The following PCDHGA4 variants were observed in gnomAD, a reference collection of about 807,000 sequenced individuals.
The protein encoded by PCDHGA4 is protocadherin gamma subfamily A, 4, also known as protocadherin gamma-A4.
In PCDHGA4, 38 loss-of-function variants were observed where a neutral mutation model predicts 54.6. The observed-to-expected ratio is 0.70, with a 90% CI of 0.54 to 0.91. The LOEUF is 0.91. Among genes scored for constraint, PCDHGA4 ranks in the 40% least tolerant of loss-of-function variants. The probability of loss-of-function intolerance (pLI) is 0.00; values close to 1 mark genes in which losing one functional copy is unlikely to be tolerated. For missense variants in PCDHGA4, 1,298 were observed against 1,220.9 expected, an observed-to-expected ratio of 1.06 and a Z score of -0.94; for synonymous variants, 511 against 512.9, an observed-to-expected ratio of 1.00 and a Z score of 0.05.
intron 1 of PCDHGA4, among the ~76,000 whole-genome samples, chr5:141,443,156 A>G (rs1059029): frequency 0.29 from 44,047 of 151,812 alleles, 7,376 homozygotes; most frequent in African/African-American, 0.47. Flanking sequence ...ACTGCATTTT[A>G]TTTCCCTACC....
chr5:141,422,028 A>C, intron 1 of PCDHGA4: 1 of 1,611,196 alleles, frequency 6.2e-7, no homozygotes, highest in Non-Finnish European at 8.5e-7. Flanking sequence ...TGGTTAATGC[A>C]ACGGATCCAG....
chr5:141,385,283 T>C, intron 1 of PCDHGA4: 1 of 1,613,444 alleles, frequency 6.2e-7, no homozygotes, highest in Non-Finnish European at 8.5e-7. Flanking sequence ...CTAACATCCG[T>C]AGATTTTCAG....
At position 141,375,547 on chromosome 5, in the gene PCDHGA4, C is replaced by T. The variant is rs1261585486; in HGVS notation, c.2514+17926C>T. ...ACGTGGACCAGAACGCCCAAGTCTC[C>T]TACTCACTGGCAGAAGACACCCTCC... is the stretch of plus-strand genomic sequence containing the variant. On this transcript the variant is annotated intron_variant, in intron 1 of 3. Coordinates refer to ENST00000571252, the MANE Select transcript of PCDHGA4 (RefSeq NM_018917.4). 6 of 1,613,922 alleles carry T rather than the reference C, an allele frequency of 3.7e-6. No individual in the cohort carries two copies. In the African/African-American group the frequency reaches 8.0e-5, roughly 22 times the overall value.
rs556217163 is a variant in PCDHGA4, at chr5:141,433,697, C to T, written c.2515-61110C>T. Among the ~76,000 whole-genome samples the T allele has an allele frequency of 6.0e-4, 91 of 152,138 alleles. 1 individual carries two copies. Among genetic ancestry groups the T allele is most frequent in the African/African-American group, 2.0e-3 (85 of 41,536 alleles). ...CTAAAAAAATACAAAATTAGCCGGGCGTGGTGGTGCATGTCTGTAATCCCA... is the reference window on the plus strand; with the variant it reads ...CTAAAAAAATACAAAATTAGCCGGGTGTGGTGGTGCATGTCTGTAATCCCA... On this transcript the variant is annotated intron_variant, in intron 1 of 3. Coordinates refer to ENST00000571252, the MANE Select transcript of PCDHGA4 (RefSeq NM_018917.4).
chr5:141,490,344 AGTGGGGTTGTTTAAT>A lies in PCDHGA4; in HGVS notation c.2515-4459_2515-4445del. The A allele has an allele frequency of 6.2e-7, 1 of 1,614,178 alleles. No individual in the cohort carries two copies. The highest frequency in any genetic ancestry group is 8.5e-7 in the Non-Finnish European group (1 of 1,180,030). ...TAGAGAGCACACCAGTGGGCACAGT[AGTGGGGTTGTTTAAT>A]GTGCGAGACCGGGACTCAGGTAGAA... On this transcript the variant is annotated intron_variant, in intron 1 of 3. Coordinates refer to ENST00000571252, the MANE Select transcript of PCDHGA4 (RefSeq NM_018917.4). This position sits in a 1 kb window ranked among gnomAD's most constrained non-coding sequence, Gnocchi z 5.4.
At chr5:141,478,506 ATAGGCAGGTGTTGGG>A in intron 1 of PCDHGA4, 1 of 1,612,314 alleles carries the variant, frequency 6.2e-7, no homozygotes, top group Non-Finnish European at 8.5e-7. Context: ...CCGGTGTTCT[ATAGGCAGGTGTTGGG>A]TGCAGAGAGC....
intron 1 of PCDHGA4, chr5:141,429,251 A>C (rs2097199889): frequency 6.6e-6 from 1 of 151,884 alleles, no homozygotes; most frequent in Non-Finnish European, 1.5e-5. Context: ...GAGATATTTT[A>C]ATTGAGGAAT....
At chr5:141,457,063 G>A (rs1477613746) in intron 1 of PCDHGA4, among the ~76,000 whole-genome samples, 1 of 152,104 alleles carries the variant, frequency 6.6e-6, no homozygotes, top group East Asian at 1.9e-4. Context: ...CTTCCTTTTT[G>A]CCAGTAACTA....
chr5:141,370,886 C>A (rs1208326985), intron 1 of PCDHGA4: 1 of 1,614,034 alleles, frequency 6.2e-7, no homozygotes, highest in South Asian at 1.1e-5. Flanking sequence ...ATGTAGGTGT[C>A]AATTCGCTGC....
At chr5:141,360,632 C>T (rs1367186780) in intron 1 of PCDHGA4, 1 of 1,613,902 alleles carries the variant, frequency 6.2e-7, no homozygotes, top group Admixed American at 1.7e-5. Context: ...GGTCCTAACT[C>T]ACTACAAAGA....
chr5:141,399,958 G>A (rs2093927763), intron 1 of PCDHGA4: 5 of 1,612,004 alleles, frequency 3.1e-6, no homozygotes, highest in Non-Finnish European at 4.2e-6. Context: ...TAGCGAGCCC[G>A]GGCTCTTCAG....
rs748394772 is a variant in PCDHGA4 at position 141,362,014 on chromosome 5, C to T, written c.2514+4393C>T. 3.1e-6 allele frequency: 5 copies of T among 1,605,936 alleles called. No individual in the cohort carries two copies. The East Asian group carries it at 6.7e-5, about 22-fold the overall frequency. Reference sequence around the variant, plus strand: ...CCTGGGGTTGCGCACGGGTGAGGTGCGCACAGCGCGTGCCTTGGGCGACAG... The same window carrying T: ...CCTGGGGTTGCGCACGGGTGAGGTGTGCACAGCGCGTGCCTTGGGCGACAG... On this transcript the variant is annotated intron_variant, in intron 1 of 3. Coordinates refer to ENST00000571252, the MANE Select transcript of PCDHGA4 (RefSeq NM_018917.4).
intron 1 of PCDHGA4, chr5:141,395,139 G>C: frequency 6.2e-7 from 1 of 1,614,144 alleles, no homozygotes. Flanking sequence ...GCCCAACTAC[G>C]CAGACATGCT....
intron 1 of PCDHGA4, chr5:141,484,875 T>G: frequency 3.2e-6 from 1 of 317,108 alleles, no homozygotes; most frequent in Non-Finnish European, 5.8e-6. Context: ...GCGTGGAGGA[T>G]AGGGTGGGCT....
At chr5:141,468,837 G>T in intron 1 of PCDHGA4, among the ~76,000 whole-genome samples, 1 of 152,108 alleles carries the variant, frequency 6.6e-6, no homozygotes, top group South Asian at 2.1e-4. Flanking sequence ...CTGCACTCCA[G>T]CCTGGGCAAC....
intron 1 of PCDHGA4, among the ~76,000 whole-genome samples, chr5:141,488,225 T>G (rs2099673126): frequency 6.6e-6 from 1 of 152,136 alleles, no homozygotes. Flanking sequence ...CTACTGGGGA[T>G]TTGAACTAGA....
At chr5:141,371,048 C>A in intron 1 of PCDHGA4, 2 of 1,613,890 alleles carry the variant, frequency 1.2e-6, no homozygotes, top group Non-Finnish European at 1.7e-6. Flanking sequence ...TGGATGGGGG[C>A]GAGCCCTCCA....
At chr5:141,375,787 C>T (rs759753735) in intron 1 of PCDHGA4, 1 of 1,614,256 alleles carries the variant, frequency 6.2e-7, no homozygotes, top group South Asian at 1.1e-5. Flanking sequence ...CCGCCCTCCC[C>T]ACAGACGGTT....
intron 1 of PCDHGA4, chr5:141,374,698 A>G: frequency 6.2e-7 from 1 of 1,609,364 alleles, no homozygotes; most frequent in Non-Finnish European, 8.5e-7. Context: ...GGGAAGGAGA[A>G]GCCGTTTACC....
Sources: allele counts gnomAD v4.1 joint callset (sites outside exome capture counted in the v4.1 genomes callset), GRCh38; gene constraint gnomAD v4.1.1; non-coding constraint Gnocchi (gnomAD v3.1); transcripts MANE v1.5; gene names NCBI Gene and HGNC (gene_info 2026-07-23, HGNC 2026-07-21).